NKAIN3: variants seen among roughly 807,000 people sequenced by gnomAD.
NKAIN3 encodes the protein sodium/potassium transporting ATPase interacting 3, also known as sodium/potassium-transporting ATPase subunit beta-1-interacting protein 3.
Under a neutral mutation model 30.2 loss-of-function variants are expected in NKAIN3, and 25 were observed. That is an observed-to-expected ratio of 0.83 (90% CI 0.60 to 1.16). NKAIN3 has a LOEUF of 1.16. NKAIN3 is among the 50% of genes most tolerant of loss of function. The pLI is 0.00. For synonymous variants in NKAIN3, 91 were observed against 89.6 expected, an observed-to-expected ratio of 1.02 and a Z score of -0.09; for missense variants, 225 against 254.1, an observed-to-expected ratio of 0.89 and a Z score of 0.78.
chr8:62,324,917 GAT>G (rs143751164), intron 1 of NKAIN3, among the ~76,000 whole-genome samples: 13,085 of 152,138 alleles, frequency 0.086, 781 homozygotes, highest in Middle Eastern at 0.17. Flanking sequence ...GAAAAAGAAA[GAT>G]GCAATATAAA....
chr8:62,707,327 T>C (rs564571672), intron 3 of NKAIN3, among the ~76,000 whole-genome samples: 1 of 152,270 alleles, frequency 6.6e-6, no homozygotes, highest in South Asian at 2.1e-4. Flanking sequence ...GAGGCTGTAC[T>C]AGTTTACTTT....
chr8:62,961,403 T>C (rs1823566590), intron 6 of NKAIN3, among the ~76,000 whole-genome samples: 3 of 152,102 alleles, frequency 2.0e-5, no homozygotes, highest in Admixed American at 2.0e-4. Flanking sequence ...GGACTGATAC[T>C]ATAGAAATAC....
At chr8:62,849,035 T>A (rs1819778910) in intron 4 of NKAIN3, among the ~76,000 whole-genome samples, 2 of 152,238 alleles carry the variant, frequency 1.3e-5, no homozygotes, top group South Asian at 4.1e-4. Flanking sequence ...GTGGATAAGC[T>A]TTTTGATGTG....
chr8:62,731,645 G>A (rs934651003), intron 3 of NKAIN3, among the ~76,000 whole-genome samples: 6 of 152,084 alleles, frequency 3.9e-5, no homozygotes, highest in Non-Finnish European at 7.4e-5. Flanking sequence ...GCAGGCCACA[G>A]CTGACTGACT....
At position 62,983,165 on chromosome 8, in the gene NKAIN3, T is replaced by C. The variant is rs189692436; in HGVS notation, c.*17758T>C. 3.9e-4 allele frequency: 60 copies of C among 152,306 alleles called. No individual in the cohort carries two copies. Among genetic ancestry groups the C allele is most frequent in the African/African-American group, 1.4e-3 (57 of 41,554 alleles). The allele number at this position is 152,306 out of a possible 1,614,324, so 9.4% of individuals were successfully genotyped here. On this transcript the variant is annotated 3_prime_UTR_variant, in exon 7 of 7. Coordinates refer to ENST00000623646, the MANE Select transcript of NKAIN3 (RefSeq NM_001304533.3). Reference sequence around the variant, plus strand: ...CCACTGGGAGACAAATTATGATTGTTGCGTCCTTCTTTGAAAACACCCCTG... The same window carrying C: ...CCACTGGGAGACAAATTATGATTGTCGCGTCCTTCTTTGAAAACACCCCTG...
chr8:62,966,388 GA>G lies in NKAIN3; in HGVS notation c.*987del. ...ATGATATGGGAAGCAATTATCTGTG[GA>G]AAAAAGGACTGTCTTGAAAACGCAT... On this transcript the variant is annotated 3_prime_UTR_variant, in exon 7 of 7. Transcript: ENST00000623646. 1 of 985,110 alleles carries G rather than the reference GA, an allele frequency of 1.0e-6. No homozygotes were observed. Among genetic ancestry groups the G allele is most frequent in the Non-Finnish European group, 1.2e-6 (1 of 829,760 alleles). 61.0% of individuals were successfully genotyped at this position (985,110 alleles called of 1,614,324 possible). A position where few individuals can be genotyped will look rare whatever the true frequency, so the allele number is the denominator to read the frequency against.
intron 3 of NKAIN3, among the ~76,000 whole-genome samples, chr8:62,673,659 T>C (rs2130393934): frequency 6.6e-6 from 1 of 152,308 alleles, no homozygotes. Context: ...ACCCAGATGG[T>C]AGTGCCTACT....
intron 1 of NKAIN3, among the ~76,000 whole-genome samples, chr8:62,566,196 A>C (rs1376697320): frequency 6.6e-6 from 1 of 152,182 alleles, no homozygotes; most frequent in Non-Finnish European, 1.5e-5. Flanking sequence ...GCTTGAGAAT[A>C]GTGTTCAACA....
chr8:62,851,015 G>A (rs1390804023), intron 4 of NKAIN3, among the ~76,000 whole-genome samples: 1 of 151,934 alleles, frequency 6.6e-6, no homozygotes, highest in East Asian at 1.9e-4. Flanking sequence ...AGCTTGATGG[G>A]GATGGCATTG....
At chr8:62,290,697 T>A (rs1813578509) in intron 1 of NKAIN3, among the ~76,000 whole-genome samples, 1 of 152,216 alleles carries the variant, frequency 6.6e-6, no homozygotes, top group Admixed American at 6.5e-5. Flanking sequence ...TGGTCTAAAA[T>A]TCTCTTTTTT....
At chr8:62,923,157 G>T (rs982660700) in intron 5 of NKAIN3, among the ~76,000 whole-genome samples, 2 of 151,974 alleles carry the variant, frequency 1.3e-5, no homozygotes, top group African/African-American at 4.8e-5. Context: ...ACATAGCCGG[G>T]TGTGGTGGTG....
intron 3 of NKAIN3, among the ~76,000 whole-genome samples, chr8:62,667,332 TTA>T (rs927315795): frequency 2.7e-5 from 3 of 111,384 alleles, no homozygotes; most frequent in South Asian, 2.8e-4. Context: ...TATATATTCT[TTA>T]TATATATATT....
At chr8:62,352,359 C>G (rs1419948553) in intron 1 of NKAIN3, among the ~76,000 whole-genome samples, 1 of 152,226 alleles carries the variant, frequency 6.6e-6, no homozygotes, top group Non-Finnish European at 1.5e-5. Flanking sequence ...GCATCTGACA[C>G]ACCTTTCTCT....
chr8:62,933,835 C>A (rs1822696935), intron 5 of NKAIN3, among the ~76,000 whole-genome samples: 2 of 152,132 alleles, frequency 1.3e-5, no homozygotes, highest in East Asian at 3.9e-4. Context: ...ATAAAAGGTT[C>A]CTCCAAATGA....
intron 5 of NKAIN3, among the ~76,000 whole-genome samples, chr8:62,940,017 GC>G (rs1822905695): frequency 6.6e-6 from 1 of 151,972 alleles, no homozygotes; most frequent in Admixed American, 6.6e-5. Flanking sequence ...CAAGAAATTC[GC>G]CTAACACATA....
At chr8:62,383,902 A>T (rs1817350766) in intron 1 of NKAIN3, among the ~76,000 whole-genome samples, 1 of 148,178 alleles carries the variant, frequency 6.7e-6, no homozygotes. Context: ...TTTCCACAGT[A>T]GACCTTGGGC....
At chr8:62,821,357 A>G (rs1210860391) in intron 4 of NKAIN3, among the ~76,000 whole-genome samples, 1 of 152,082 alleles carries the variant, frequency 6.6e-6, no homozygotes. Context: ...ACCAAAGTTC[A>G]GTTTTTATAC....
intron 4 of NKAIN3, among the ~76,000 whole-genome samples, chr8:62,803,983 C>T (rs1403969371): frequency 1.3e-5 from 2 of 152,172 alleles, no homozygotes; most frequent in African/African-American, 4.8e-5. Flanking sequence ...ATACTACAAA[C>T]ACCTCTACAC....
chr8:62,593,941 G>C (rs538766504), intron 3 of NKAIN3, among the ~76,000 whole-genome samples: 24 of 151,966 alleles, frequency 1.6e-4, no homozygotes, highest in Non-Finnish European at 3.1e-4. Flanking sequence ...CTGTTCAGAT[G>C]TTGTCTTTAA....
Sources: allele counts gnomAD v4.1 joint callset (sites outside exome capture counted in the v4.1 genomes callset), GRCh38; gene constraint gnomAD v4.1.1; transcripts MANE v1.5; gene names NCBI Gene and HGNC (gene_info 2026-07-23, HGNC 2026-07-21).